GABRG3: variants seen among roughly 807,000 people sequenced by gnomAD.
The protein encoded by GABRG3 is gamma-aminobutyric acid type A receptor subunit gamma3.
GABRG3 carries 25 observed loss-of-function variants against 48.8 expected under a neutral mutation model. The ratio of observed to expected loss-of-function variants is 0.51; its 90% CI spans 0.37 to 0.72. The LOEUF is 0.72. Ranked by LOEUF, GABRG3 falls within the 30% of genes least tolerant of loss-of-function variation. GABRG3 has a pLI of 0.00. For missense variants in GABRG3, 394 were observed against 577.9 expected (o/e 0.68, Z 3.26); for synonymous variants, 227 against 217.6 (o/e 1.04, Z -0.38).
intron 3 of GABRG3, among the ~76,000 whole-genome samples, chr15:27,062,445 A>AAAAAAAAAAAAAAAAAAG (rs1896665090): frequency 7.5e-6 from 1 of 133,936 alleles, no homozygotes; most frequent in Non-Finnish European, 1.7e-5. Flanking sequence ...AAAAAAAAAA[A>AAAAAAAAAAAAAAAAAAG]AAAAAAAAAA....
At chr15:27,401,908 C>T (rs528200350) in intron 5 of GABRG3, among the ~76,000 whole-genome samples, 11 of 152,168 alleles carry the variant, frequency 7.2e-5, no homozygotes, top group African/African-American at 2.7e-4. Flanking sequence ...TGAATGAAAT[C>T]TTAATATGTC....
At chr15:27,272,978 G>A (rs906206588) in intron 3 of GABRG3, among the ~76,000 whole-genome samples, 3 of 152,166 alleles carry the variant, frequency 2.0e-5, no homozygotes, top group African/African-American at 7.2e-5. Context: ...CCCTGCACTT[G>A]TGCAAAAGCA....
At chr15:27,290,070 G>A (rs1445025218) in intron 3 of GABRG3, among the ~76,000 whole-genome samples, 1 of 152,100 alleles carries the variant, frequency 6.6e-6, no homozygotes. Flanking sequence ...GTGCCAGAAA[G>A]CAAGGACATG....
chr15:27,126,131 G>A (rs1386529341), intron 3 of GABRG3, among the ~76,000 whole-genome samples: 2 of 138,868 alleles, frequency 1.4e-5, no homozygotes, highest in Non-Finnish European at 3.3e-5. Context: ...CCAGCGGCAT[G>A]ACATAAAACC....
chr15:27,458,177 C>T (rs1372894629), intron 5 of GABRG3, among the ~76,000 whole-genome samples: 1 of 152,144 alleles, frequency 6.6e-6, no homozygotes, highest in Non-Finnish European at 1.5e-5. Flanking sequence ...CGAAAGCACC[C>T]GCAGATCGTG....
At chr15:26,996,548 T>C (rs2140651891) in intron 2 of GABRG3, among the ~76,000 whole-genome samples, 1 of 152,222 alleles carries the variant, frequency 6.6e-6, no homozygotes, top group South Asian at 2.1e-4. Context: ...TGAATTCCTT[T>C]GTGTTTTTCT....
intron 5 of GABRG3, among the ~76,000 whole-genome samples, chr15:27,342,612 C>T (rs983012046): frequency 4.6e-5 from 7 of 152,212 alleles, no homozygotes; most frequent in East Asian, 3.8e-4. Context: ...TCCCAAGGGA[C>T]GGGAAGGATG....
chr15:27,187,545 G>A (rs1461703527), intron 3 of GABRG3, among the ~76,000 whole-genome samples: 1 of 152,030 alleles, frequency 6.6e-6, no homozygotes, highest in African/African-American at 2.4e-5. Flanking sequence ...ATGAGCATGG[G>A]ATGTTTGTCC....
chr15:27,313,250 GTGTGTGTGTGTGTA>G (rs2064778491), intron 3 of GABRG3, among the ~76,000 whole-genome samples: 6 of 58,728 alleles, frequency 1.0e-4, no homozygotes, highest in African/African-American at 4.3e-4. Context: ...ATGTGTGTGT[GTGTGTGTGTGTGTA>G]TATATATATA....
chr15:27,445,009 T>C (rs563415580), intron 5 of GABRG3, among the ~76,000 whole-genome samples: 195 of 152,178 alleles, frequency 1.3e-3, no homozygotes, highest in African/African-American at 4.5e-3. Flanking sequence ...GTAGCTGTGA[T>C]TACAGGCGCC....
chr15:27,292,703 C>T (rs889508912), intron 3 of GABRG3, among the ~76,000 whole-genome samples: 1 of 152,088 alleles, frequency 6.6e-6, no homozygotes, highest in Non-Finnish European at 1.5e-5. Context: ...CTTGAGTTAG[C>T]TGAAATGAGG....
At chr15:27,357,571 C>T (rs1006173535) in intron 5 of GABRG3, among the ~76,000 whole-genome samples, 1 of 151,362 alleles carries the variant, frequency 6.6e-6, no homozygotes, top group Admixed American at 6.6e-5. Context: ...AAAAAAATAA[C>T]TCTATTATAC....
chr15:27,298,527 C>T (rs779663863), intron 3 of GABRG3, among the ~76,000 whole-genome samples: 22 of 151,956 alleles, frequency 1.4e-4, no homozygotes, highest in Admixed American at 6.6e-4. Flanking sequence ...TAAATCAGCA[C>T]GTTACATAAG....
intron 5 of GABRG3, among the ~76,000 whole-genome samples, chr15:27,377,817 A>G (rs1394462000): frequency 6.6e-6 from 1 of 152,220 alleles, no homozygotes; most frequent in Non-Finnish European, 1.5e-5. Context: ...AAGCTTGTAT[A>G]TATGGAGTCT....
intron 6 of GABRG3, among the ~76,000 whole-genome samples, chr15:27,516,271 G>A (rs992999791): frequency 1.3e-5 from 2 of 152,068 alleles, no homozygotes; most frequent in South Asian, 2.1e-4. Flanking sequence ...TAAACTAATT[G>A]TATGAAGTGT....
At chr15:27,266,183 AT>A (rs34325172) in intron 3 of GABRG3, among the ~76,000 whole-genome samples, 90,010 of 150,822 alleles carry the variant, frequency 0.6, 27,365 homozygotes, top group Non-Finnish European at 0.65. Flanking sequence ...CCTGGACCTG[AT>A]TTTTTTTTTC....
chr15:27,019,348 G>C (rs1287771976), intron 2 of GABRG3, among the ~76,000 whole-genome samples: 1 of 152,070 alleles, frequency 6.6e-6, no homozygotes, highest in Non-Finnish European at 1.5e-5. Context: ...GGGATTACAG[G>C]CATGAGCCAC....
chr15:27,306,442 A>G lies in GABRG3; in HGVS notation c.271-20367A>G, dbSNP rs1007393909. ...CTACATGTAAACATATAATACGAACATATGTCTACATATAAACATAAACAT... is the reference window on the plus strand; with the variant it reads ...CTACATGTAAACATATAATACGAACGTATGTCTACATATAAACATAAACAT... On this transcript the variant is annotated intron_variant, in intron 3 of 9. Transcript: ENST00000615808. Among the ~76,000 whole-genome samples, 29 of 140,262 alleles carry G rather than the reference A, an allele frequency of 2.1e-4. 1 individual carries two copies. The highest frequency in any genetic ancestry group is 5.2e-4 in the African/African-American group (20 of 38,116). The allele number at this position is 140,262 out of a possible 152,430, so 92.0% of individuals were successfully genotyped here.
intron 3 of GABRG3, among the ~76,000 whole-genome samples, chr15:27,324,656 G>T (rs1291887581): frequency 6.6e-6 from 1 of 152,156 alleles, no homozygotes; most frequent in Non-Finnish European, 1.5e-5. Context: ...TTCCTGACTT[G>T]TGGTTCCTTT....
Sources: allele counts gnomAD v4.1 joint callset (sites outside exome capture counted in the v4.1 genomes callset), GRCh38; gene constraint gnomAD v4.1.1; transcripts MANE v1.5; gene names NCBI Gene and HGNC (gene_info 2026-07-23, HGNC 2026-07-21).